CAMK2B: variants seen among roughly 807,000 people sequenced by gnomAD.
CAMK2B encodes calcium/calmodulin-dependent protein kinase type II subunit beta.
Under a neutral mutation model 93.7 loss-of-function variants are expected in CAMK2B, and 27 were observed. The observed-to-expected ratio is 0.29, with a 90% CI of 0.21 to 0.40. The LOEUF is 0.40. Ranked by LOEUF, CAMK2B falls within the 10% of genes least tolerant of loss-of-function variation. CAMK2B has a pLI of 1.00. For missense variants in CAMK2B, 568 were observed against 895.8 expected (o/e 0.63, Z 4.67); for synonymous variants, 374 against 358.8 (o/e 1.04, Z -0.48).
chr7:44,322,049 T>A (rs1796226091), intron 1 of CAMK2B, among the ~76,000 whole-genome samples: 1 of 152,358 alleles, frequency 6.6e-6, no homozygotes, highest in South Asian at 2.1e-4. Flanking sequence ...GTGACGGTGC[T>A]GGCCACAGTG....
At chr7:44,219,955 T>TA (rs2096378205) in intron 23 of CAMK2B, 105 bp downstream of exon 23, 1 of 903,410 alleles carries the variant, frequency 1.1e-6, no homozygotes, top group Non-Finnish European at 1.7e-6. Context: ...TTCCCAGGCA[T>TA]GGCTCTGCAC....
chr7:44,229,087 C>G, intron 18 of CAMK2B, 163 bp from the exon 19 acceptor site: 1 of 747,642 alleles, frequency 1.3e-6, no homozygotes, highest in Non-Finnish European at 2.4e-6. Context: ...CCCCCCCGCC[C>G]GCAAGCTGAG....
chr7:44,225,779 C>A lies in CAMK2B; in HGVS notation c.1597+737G>T. On this transcript the variant is annotated intron_variant, in intron 20 of 23. Transcript: ENST00000395749. This position sits in a 1 kb window ranked among gnomAD's most constrained non-coding sequence, Gnocchi z 5.0. ...AGTACTTACCTAGCCACTGCCCTGC[C>A]ATGCCGAGCCCGTGGCCCAGCAGCC... The A allele has an allele frequency of 7.8e-7, 1 of 1,289,534 alleles. No homozygotes were observed. The highest frequency in any genetic ancestry group is 1.0e-6 in the Non-Finnish European group (1 of 988,812). The allele number at this position is 1,289,534 out of a possible 1,614,324, so 79.9% of individuals were successfully genotyped here.
At chr7:44,277,486 C>G (rs555225561) in intron 2 of CAMK2B, among the ~76,000 whole-genome samples, 1 of 152,180 alleles carries the variant, frequency 6.6e-6, no homozygotes, top group Non-Finnish European at 1.5e-5. Flanking sequence ...CTTCCTGGAG[C>G]TGCATGCTAC....
Position 44,228,896 on chromosome 7 carries a change from A to G in CAMK2B, c.1368T>C (p.Ser456=), listed in dbSNP as rs1407066025. The change falls in exon 19 of 24, where the codon TCT becomes TCC. Residue 456 remains serine, a synonymous_variant. Transcript: ENST00000395749. The part of the protein sequence containing the change: ...PSPRISDILN[S]VRRGSGTPEA... ...CTGGGGTTCCTGAACCCCTTCTCACAGAGTTCAGGATGTCAGAGATCCTGG... is the reference window on the plus strand; with the variant it reads ...CTGGGGTTCCTGAACCCCTTCTCACGGAGTTCAGGATGTCAGAGATCCTGG... The G allele has an allele frequency of 6.3e-7, 1 of 1,596,540 alleles. No homozygotes were observed. The highest frequency in any genetic ancestry group is 8.5e-7 in the Non-Finnish European group (1 of 1,169,978).
chr7:44,323,280 C>G (rs1408419279), intron 1 of CAMK2B, among the ~76,000 whole-genome samples: 1 of 152,266 alleles, frequency 6.6e-6, no homozygotes, highest in Non-Finnish European at 1.5e-5. Flanking sequence ...TGGGGCTCCC[C>G]TCGATGCCAG....
chr7:44,273,606 A>G (rs754080404), intron 2 of CAMK2B, among the ~76,000 whole-genome samples: 1 of 151,952 alleles, frequency 6.6e-6, no homozygotes, highest in Admixed American at 6.5e-5. Flanking sequence ...CCATCTCTCC[A>G]TAGACACCAG....
intron 5 of CAMK2B, among the ~76,000 whole-genome samples, chr7:44,249,740 G>A (rs1455091907): frequency 6.6e-6 from 1 of 152,164 alleles, no homozygotes; most frequent in African/African-American, 2.4e-5. Flanking sequence ...TACTGCTGAG[G>A]GCGAGAGTTG....
In CAMK2B at chr7:44,247,103, G is replaced by A. The variant is rs1347375058; in HGVS notation, c.414+17C>T. 6.2e-7 allele frequency: 1 copy of A among 1,605,958 alleles called. No homozygotes were observed. Among genetic ancestry groups the A allele is most frequent in the Non-Finnish European group, 8.5e-7 (1 of 1,172,654 alleles). On this transcript the variant is annotated intron_variant, in intron 6 of 23. Coordinates refer to ENST00000395749, the MANE Select transcript of CAMK2B (RefSeq NM_001220.5). ...ACAGACAACAGACACCTGGCACAGA[G>A]TGGGGTGGGGACTCACCTTGAGGTC... is the stretch of plus-strand genomic sequence containing the variant.
intron 2 of CAMK2B, among the ~76,000 whole-genome samples, chr7:44,283,391 C>G (rs1436143533): frequency 6.6e-6 from 1 of 152,252 alleles, no homozygotes; most frequent in Non-Finnish European, 1.5e-5. Flanking sequence ...TCCATCACTG[C>G]CTGCAGTGCC....
intron 1 of CAMK2B, among the ~76,000 whole-genome samples, chr7:44,323,304 C>T (rs558231497): frequency 2.6e-5 from 4 of 152,412 alleles, no homozygotes; most frequent in East Asian, 1.9e-4. Flanking sequence ...CCACTCCTCA[C>T]CTCGCAATGC....
intron 5 of CAMK2B, among the ~76,000 whole-genome samples, chr7:44,252,508 T>C (rs1447989555): frequency 2.0e-5 from 1 of 50,334 alleles, no homozygotes. Flanking sequence ...AGGGTGGGAG[T>C]GAGGGGCCTG....
chr7:44,252,253 G>A (rs1415819830), intron 5 of CAMK2B, among the ~76,000 whole-genome samples: 2 of 152,080 alleles, frequency 1.3e-5, no homozygotes, highest in Non-Finnish European at 2.9e-5. Flanking sequence ...GCGGTGAGGG[G>A]TGCAGCATTC....
intron 1 of CAMK2B, among the ~76,000 whole-genome samples, chr7:44,295,875 AAG>A (rs1242918260): frequency 6.6e-6 from 1 of 152,172 alleles, no homozygotes; most frequent in Non-Finnish European, 1.5e-5. Flanking sequence ...AAGCGGATGG[AAG>A]AGAGAGACTG....
At position 44,228,877 on chromosome 7, in the gene CAMK2B, T is replaced by G; in HGVS notation, c.1387A>C (p.Thr463Pro). ...ILNSVRRGSGTPEAEGPLSAG... is the reference protein window; with the variant it reads ...ILNSVRRGSGPPEAEGPLSAG... ...GAGAGGGGGCCCTCGGCTTCTGGGG[T>G]TCCTGAACCCCTTCTCACAGAGTTC... The change falls in exon 19 of 24, where the codon ACC becomes CCC. Residue 463 changes from threonine (T) to proline (P), a missense_variant. Thr to Pro is a conservative substitution (Grantham distance 38). This residue lies in a region of CAMK2B where 308 missense variants were observed against 292.1 expected (regional missense o/e 1.05). Coordinates refer to ENST00000395749, the MANE Select transcript of CAMK2B (RefSeq NM_001220.5). The G allele has an allele frequency of 6.3e-7, 1 of 1,581,332 alleles. No homozygotes were observed. The highest frequency in any genetic ancestry group is 2.3e-5 in the East Asian group (1 of 43,796).
At chr7:44,250,143 G>T (rs2096766506) in intron 5 of CAMK2B, among the ~76,000 whole-genome samples, 1 of 152,234 alleles carries the variant, frequency 6.6e-6, no homozygotes, top group African/African-American at 2.4e-5. Context: ...CACCCAGCAG[G>T]GTAGGTGGGA....
At chr7:44,305,239 T>C (rs1169773196) in intron 1 of CAMK2B, among the ~76,000 whole-genome samples, 1 of 152,194 alleles carries the variant, frequency 6.6e-6, no homozygotes, top group African/African-American at 2.4e-5. Context: ...GATGGGGCTA[T>C]GCTCCCCATG....
Position 44,225,641 on chromosome 7 carries a change from C to T in CAMK2B, c.1597+875G>A, listed in dbSNP as rs569903355. On this transcript the variant is annotated intron_variant, in intron 20 of 23. Coordinates refer to ENST00000395749, the MANE Select transcript of CAMK2B (RefSeq NM_001220.5). The surrounding 1 kb of genome is among the most constrained non-coding windows in gnomAD (Gnocchi z 5.0). Reference sequence around the variant, plus strand: ...GCAGCCTGCATCCCCCTCCTCGAGCCGCTGCTCCTGTGGGTTCACTCTCCC... The same window carrying T: ...GCAGCCTGCATCCCCCTCCTCGAGCTGCTGCTCCTGTGGGTTCACTCTCCC... 7 of 917,276 alleles carry T rather than the reference C, an allele frequency of 7.6e-6. No individual in the cohort carries two copies. Among genetic ancestry groups the T allele is most frequent in the East Asian group, 6.2e-5 (1 of 16,054 alleles). 56.8% of individuals were successfully genotyped at this position (917,276 alleles called of 1,614,324 possible). A position where few individuals can be genotyped will look rare whatever the true frequency, so the allele number is the denominator to read the frequency against.
At chr7:44,274,435 A>G (rs955970940) in intron 2 of CAMK2B, among the ~76,000 whole-genome samples, 13 of 152,186 alleles carry the variant, frequency 8.5e-5, no homozygotes, top group African/African-American at 2.9e-4. Context: ...CCAGACCAGC[A>G]CAACAGAGAC....
Sources: gnomAD v4.1 joint callset for allele counts (sites outside exome capture counted in the v4.1 genomes callset) on GRCh38, gnomAD v4.1.1 for gene constraint, gnomAD v4.1.1 regional missense constraint, Gnocchi (gnomAD v3.1) non-coding constraint, MANE v1.5 for transcripts, NCBI Gene and HGNC (gene_info 2026-07-23, HGNC 2026-07-21) for gene names.